Variants in SLC7A13 observed in about 807,000 individuals in gnomAD.
SLC7A13 encodes X-amino acid transporter 2.
In SLC7A13, 31 loss-of-function variants were observed where a neutral mutation model predicts 32.0. That is an observed-to-expected ratio of 0.97 (90% CI 0.73 to 1.31). SLC7A13 has a LOEUF of 1.31. SLC7A13 is among the 50% of genes most tolerant of loss of function. The probability of loss-of-function intolerance (pLI) is 0.00; values close to 1 mark genes in which losing one functional copy is unlikely to be tolerated. For synonymous variants in SLC7A13, 232 were observed against 206.9 expected (o/e 1.12, Z -1.04); for missense variants, 633 against 546.9 (o/e 1.16, Z -1.57).
chr8:86,219,753 G>A (rs1820256362), intron 2 of SLC7A13, among the ~76,000 whole-genome samples: 1 of 152,018 alleles, frequency 6.6e-6, no homozygotes, highest in Admixed American at 6.6e-5. Flanking sequence ...TTATATAACT[G>A]TCATTGCGTT....
chr8:86,217,063 G>T (rs1203933413), intron 3 of SLC7A13, among the ~76,000 whole-genome samples: 1 of 152,178 alleles, frequency 6.6e-6, no homozygotes. Flanking sequence ...AACAAAGTAA[G>T]CTGATGTTTC....
intron 1 of SLC7A13, among the ~76,000 whole-genome samples, chr8:86,228,157 T>A (rs1820420365): frequency 1.3e-5 from 2 of 152,138 alleles, no homozygotes; most frequent in African/African-American, 4.8e-5. Flanking sequence ...GCTCTGATGT[T>A]CTGAGTGAAC....
intron 2 of SLC7A13, among the ~76,000 whole-genome samples, chr8:86,219,247 G>A (rs1820246811): frequency 1.3e-5 from 2 of 152,004 alleles, no homozygotes; most frequent in South Asian, 4.1e-4. Flanking sequence ...TTCCAGTAAG[G>A]CAAAGGAAAT....
At chr8:86,220,633 T>C (rs949276174) in intron 2 of SLC7A13, among the ~76,000 whole-genome samples, 7 of 152,154 alleles carry the variant, frequency 4.6e-5, no homozygotes, top group African/African-American at 1.7e-4. Flanking sequence ...TATATTCATA[T>C]GGAAACTTTT....
intron 1 of SLC7A13, among the ~76,000 whole-genome samples, chr8:86,226,793 T>C (rs558261986): frequency 1.3e-3 from 199 of 152,326 alleles, no homozygotes; most frequent in Non-Finnish European, 2.2e-3. Flanking sequence ...TTGTCTTATA[T>C]CTACACTGCA....
At position 86,221,366 on chromosome 8, in the gene SLC7A13, T is replaced by C. The variant is rs550816176; in HGVS notation, c.817+1606A>G. On this transcript the variant is annotated intron_variant, in intron 2 of 3. Coordinates refer to ENST00000297524, the MANE Select transcript of SLC7A13 (RefSeq NM_138817.3). ...ATCATACATAAAGCTATGATTACTA[T>C]ACCTATACATACATTTTTCATGTAT... Among the ~76,000 whole-genome samples, 16 of 152,290 alleles carry C rather than the reference T, an allele frequency of 1.1e-4. No homozygotes were observed. The South Asian group carries it at 1.4e-3, about 14-fold the overall frequency.
In SLC7A13 at chr8:86,214,604, C is replaced by A. The variant is rs1266341588; in HGVS notation, c.1222G>T (p.Gly408Cys). 5.0e-6 allele frequency: 8 copies of A among 1,613,254 alleles called. No homozygotes were observed. The highest frequency in any genetic ancestry group is 6.8e-6 in the Non-Finnish European group (8 of 1,179,650). The change falls in exon 4 of 4, where the codon GGC becomes TGC. Residue 408 changes from glycine to cysteine, a missense_variant. Gly to Cys is a radical substitution (Grantham distance 159). Transcript: ENST00000297524. ...TTTACCAATGGTATCACAACCAAGC[C>A]CACGTCGATGACTATTGTTGCTAAT... ...FPLATIVIDV[G>C]LVVIPLVKSP...
In SLC7A13 at chr8:86,229,577, C is replaced by T. The variant is rs1236226298; in HGVS notation, c.685+16G>A. ...TAAGTCATGATTTTAGATTTTTTTCCTCAATGGATTGTTACCTGCTATAAG... is the reference window on the plus strand; with the variant it reads ...TAAGTCATGATTTTAGATTTTTTTCTTCAATGGATTGTTACCTGCTATAAG... On this transcript the variant is annotated intron_variant, in intron 1 of 3. Coordinates refer to ENST00000297524, the MANE Select transcript of SLC7A13 (RefSeq NM_138817.3). 3.1e-6 allele frequency: 5 copies of T among 1,587,558 alleles called. No individual in the cohort carries two copies. Among genetic ancestry groups the T allele is most frequent in the Middle Eastern group, 1.7e-4 (1 of 5,912 alleles).
chr8:86,214,924 A>G (rs10956518), intron 3 of SLC7A13, among the ~76,000 whole-genome samples: 21,540 of 152,092 alleles, frequency 0.14, 1,869 homozygotes, highest in Admixed American at 0.21. Context: ...ATCACTATCT[A>G]CTGATCTGGG....
At chr8:86,227,951 G>A (rs978363765) in intron 1 of SLC7A13, among the ~76,000 whole-genome samples, 1 of 152,110 alleles carries the variant, frequency 6.6e-6, no homozygotes, top group African/African-American at 2.4e-5. Flanking sequence ...GAGAGTGGGT[G>A]GGGGGTAAGG....
At chr8:86,229,044 G>T (rs1295195850) in intron 1 of SLC7A13, among the ~76,000 whole-genome samples, 1 of 152,110 alleles carries the variant, frequency 6.6e-6, no homozygotes, top group African/African-American at 2.4e-5. Flanking sequence ...ATGCACAGAT[G>T]AAAATTATAG....
intron 2 of SLC7A13, among the ~76,000 whole-genome samples, chr8:86,219,781 CT>C (rs1459002580): frequency 6.6e-6 from 1 of 152,088 alleles, no homozygotes; most frequent in Non-Finnish European, 1.5e-5. Context: ...CCATTTCATA[CT>C]GTTTTATTTG....
chr8:86,214,355 G>T lies in SLC7A13; in HGVS notation c.*58C>A. Reference sequence around the variant, plus strand: ...TCTATCATATGTTTAACCTTGATTTGGAATCTGATATATGTTTTTTAGAAG... The same window carrying T: ...TCTATCATATGTTTAACCTTGATTTTGAATCTGATATATGTTTTTTAGAAG... On this transcript the variant is annotated 3_prime_UTR_variant, in exon 4 of 4. Transcript: ENST00000297524. 1.1e-6 allele frequency: 1 copy of T among 937,300 alleles called. No homozygotes were observed. The highest frequency in any genetic ancestry group is 1.6e-6 in the Non-Finnish European group (1 of 619,614). 58.1% of individuals were successfully genotyped at this position (937,300 alleles called of 1,614,324 possible).
rs144367609 is a variant in SLC7A13, at chr8:86,214,437, G to A, written c.1389C>T (p.Cys463=). ...TCTATTCCTCAGACACATCAGGGAG[G>A]CAAATATTAAATAGTAATTGTAAAT... ...TCYLQLLFNI[C]LPDVSEE The change falls in exon 4 of 4, where the codon TGC becomes TGT. Residue 463 remains cysteine, a synonymous_variant. Coordinates refer to ENST00000297524, the MANE Select transcript of SLC7A13 (RefSeq NM_138817.3). The A allele has an allele frequency of 6.2e-6, 10 of 1,608,048 alleles. No homozygotes were observed. The African/African-American group carries it at 8.0e-5, about 13-fold the overall frequency.
At chr8:86,220,668 G>C (rs1218898148) in intron 2 of SLC7A13, among the ~76,000 whole-genome samples, 1 of 151,882 alleles carries the variant, frequency 6.6e-6, no homozygotes, top group Middle Eastern at 3.4e-3. Flanking sequence ...ATACTTGTTT[G>C]ATTGAAAAAA....
chr8:86,214,699 A>G (rs897035727), intron 3 of SLC7A13, 53 bp from the exon 4 acceptor site: 6 of 1,238,094 alleles, frequency 4.8e-6, no homozygotes, highest in Non-Finnish European at 6.9e-6. Context: ...CATGAATGAT[A>G]CCTGCATATT....
At chr8:86,215,717 A>G (rs1267329971) in intron 3 of SLC7A13, 1 of 443,332 alleles carries the variant, frequency 2.3e-6, no homozygotes, top group African/African-American at 2.0e-5. Context: ...AAAACAAAGA[A>G]TCTCTTCTTA....
intron 1 of SLC7A13, among the ~76,000 whole-genome samples, chr8:86,224,020 T>C (rs1214377863): frequency 2.6e-5 from 4 of 152,114 alleles, no homozygotes; most frequent in African/African-American, 9.7e-5. Context: ...GCATTGAGTT[T>C]GGATAGTGGG....
At chr8:86,221,820 A>G (rs902408537) in intron 2 of SLC7A13, among the ~76,000 whole-genome samples, 1 of 152,126 alleles carries the variant, frequency 6.6e-6, no homozygotes, top group Non-Finnish European at 1.5e-5. Flanking sequence ...TTTTTTAACA[A>G]CCCGTATGGA....
Sources: allele counts gnomAD v4.1 joint callset (sites outside exome capture counted in the v4.1 genomes callset), GRCh38; gene constraint gnomAD v4.1.1; transcripts MANE v1.5; gene names NCBI Gene and HGNC (gene_info 2026-07-23, HGNC 2026-07-21).